Variants in EPG5 observed in about 807,000 individuals in gnomAD.
EPG5 encodes ectopic P-granules 5 autophagy tethering factor.
Under a neutral mutation model 302.7 loss-of-function variants are expected in EPG5, and 159 were observed. The observed-to-expected ratio is 0.53, with a 90% confidence interval of 0.46 to 0.60. The LOEUF is 0.60. Among genes scored for constraint, EPG5 ranks in the 20% least tolerant of loss-of-function variants. The pLI is 0.00. For synonymous variants in EPG5, 1,158 were observed against 1,136.8 expected, an observed-to-expected ratio of 1.02 and a Z score of -0.37; for missense variants, 2,896 against 3,092.4, an observed-to-expected ratio of 0.94 and a Z score of 1.51.
In EPG5 at chr18:45,866,909, G is replaced by T; in HGVS notation, c.6510C>A (p.Ser2170Arg). Reference sequence around the variant, plus strand: ...CCAGGATGATGGACGGCGGGTAATGGCTGCTGAAATAACTTAGCACACTCT... The same window carrying T: ...CCAGGATGATGGACGGCGGGTAATGTCTGCTGAAATAACTTAGCACACTCT... ...SYQSVLSYFSSHYPPSIILAK... is the reference protein window; with the variant it reads ...SYQSVLSYFSRHYPPSIILAK... Residue 2170 changes from serine to arginine, a missense_variant, in exon 38 of 44, where the codon AGC (serine) becomes AGA (arginine). Physicochemically the swap from Ser to Arg is moderately radical, Grantham distance 110 (BLOSUM62 -1). This residue lies in a region of EPG5 where 620 missense variants were observed against 704.2 expected (regional missense o/e 0.88). Transcript: ENST00000282041. The T allele has an allele frequency of 6.2e-7, 1 of 1,613,978 alleles. No homozygotes were observed. Among genetic ancestry groups the T allele is most frequent in the Non-Finnish European group, 8.5e-7 (1 of 1,179,856 alleles).
At chr18:45,876,377 A>G (rs1468256688) in intron 34 of EPG5, 35 bp from the exon 35 acceptor site, 1 of 1,547,948 alleles carries the variant, frequency 6.5e-7, no homozygotes, top group Non-Finnish European at 8.9e-7. Context: ...TAGGAATGCA[A>G]CCGTGATTAA....
chr18:45,823,540 G>C, the EPG5 span, among the ~76,000 whole-genome samples: 7 of 152,144 alleles, frequency 4.6e-5, no homozygotes, highest in African/African-American at 1.4e-4. Flanking sequence ...TGCAAGAATG[G>C]AGTCATACTC....
intron 33 of EPG5, among the ~76,000 whole-genome samples, chr18:45,878,669 A>T (rs2049023264): frequency 6.6e-6 from 1 of 152,236 alleles, no homozygotes; most frequent in Non-Finnish European, 1.5e-5. Flanking sequence ...AATATCATGG[A>T]TAATTTTATA....
the EPG5 span, chr18:45,840,198 G>C: frequency 1.9e-6 from 3 of 1,612,966 alleles, no homozygotes; most frequent in Non-Finnish European, 2.5e-6. Flanking sequence ...CTCTCTTGCT[G>C]TCCCTCCCAC....
intron 27 of EPG5, among the ~76,000 whole-genome samples, chr18:45,895,109 CA>C (rs972753611): frequency 3.3e-5 from 5 of 152,112 alleles, no homozygotes; most frequent in Non-Finnish European, 5.9e-5. Flanking sequence ...GAGGCAGAAC[CA>C]ATATGGAAGC....
downstream of EPG5, among the ~76,000 whole-genome samples, chr18:45,846,547 A>T (rs1599404304): frequency 8.6e-5 from 11 of 127,440 alleles, no homozygotes; most frequent in South Asian, 2.7e-3. Context: ...AAAAAAAAAA[A>T]GATCTCGGGG....
intron 21 of EPG5, 59 bp from the exon 22 acceptor site, chr18:45,912,515 CTCTT>C: frequency 6.7e-7 from 1 of 1,495,008 alleles, no homozygotes; most frequent in South Asian, 1.3e-5. Context: ...AAACGGTTAA[CTCTT>C]TCTAAGTGAT....
chr18:45,909,725 G>A (rs1011809803), intron 23 of EPG5, among the ~76,000 whole-genome samples: 3 of 152,134 alleles, frequency 2.0e-5, no homozygotes, highest in Non-Finnish European at 4.4e-5. Flanking sequence ...CTCATCTCAG[G>A]TGGATCCCTG....
At chr18:45,806,578 A>G in the EPG5 span, among the ~76,000 whole-genome samples, 1 of 150,732 alleles carries the variant, frequency 6.6e-6, no homozygotes, top group Admixed American at 6.7e-5. Context: ...CCACCCCCAC[A>G]CCCCAACTGG....
At chr18:45,946,380 C>A (rs1023760575) in intron 7 of EPG5, among the ~76,000 whole-genome samples, 2 of 152,148 alleles carry the variant, frequency 1.3e-5, no homozygotes, top group South Asian at 2.1e-4. Context: ...ATTCTCCCAG[C>A]TGAACAGAAT....
At chr18:45,819,165 ATG>A in the EPG5 span, among the ~76,000 whole-genome samples, 5 of 152,094 alleles carry the variant, frequency 3.3e-5, no homozygotes, top group Non-Finnish European at 7.4e-5. Context: ...AATATCACCT[ATG>A]TTTTCTTCTT....
rs531360515 is a variant in EPG5, at chr18:45,851,976, G to T, written c.*491C>A. Reference sequence around the variant, plus strand: ...AGAAAAACAATACTTTAAAACTATTGTATTTGTCCACATTTGAGAAATGCA... The same window carrying T: ...AGAAAAACAATACTTTAAAACTATTTTATTTGTCCACATTTGAGAAATGCA... On this transcript the variant is annotated 3_prime_UTR_variant, in exon 44 of 44. Coordinates refer to ENST00000282041, the MANE Select transcript of EPG5 (RefSeq NM_020964.3). 6 of 152,486 alleles carry T rather than the reference G, an allele frequency of 3.9e-5. No homozygotes were observed. The highest frequency in any genetic ancestry group is 1.4e-4 in the African/African-American group (6 of 41,410). 9.4% of individuals were successfully genotyped at this position (152,486 alleles called of 1,614,324 possible).
intron 32 of EPG5, 132 bp downstream of exon 32, chr18:45,879,943 C>A: frequency 9.8e-7 from 1 of 1,018,206 alleles, no homozygotes; most frequent in East Asian, 2.6e-5. Flanking sequence ...ACGAGGGAAC[C>A]AAAGCACTTA....
chr18:45,833,036 G>C, the EPG5 span, among the ~76,000 whole-genome samples: 1 of 152,016 alleles, frequency 6.6e-6, no homozygotes, highest in Non-Finnish European at 1.5e-5. Context: ...TTCCCATTCT[G>C]CTCCTAGAGC....
In EPG5 at chr18:45,878,453, A is replaced by G. The variant is rs751684696; in HGVS notation, c.5870-5T>C. On this transcript the variant is annotated splice_polypyrimidine_tract_variant and splice_region_variant and intron_variant, in intron 33 of 43. Coordinates refer to ENST00000282041, the MANE Select transcript of EPG5 (RefSeq NM_020964.3). ...CTGAATGTAGGGATTTCAGCACTAAAAAGTTTTAGAGACAAAACAAAGGTC... is the reference window on the plus strand; with the variant it reads ...CTGAATGTAGGGATTTCAGCACTAAGAAGTTTTAGAGACAAAACAAAGGTC... The G allele has an allele frequency of 6.2e-7, 1 of 1,602,736 alleles. No individual in the cohort carries two copies. The highest frequency in any genetic ancestry group is 8.5e-7 in the Non-Finnish European group (1 of 1,171,248).
rs1422713586 is a variant in EPG5 at position 45,852,284 on chromosome 18, C to T, written c.*183G>A. The T allele has an allele frequency of 6.7e-6, 3 of 445,016 alleles. No individual in the cohort carries two copies. Among genetic ancestry groups the T allele is most frequent in the South Asian group, 3.6e-5 (1 of 27,964 alleles). The allele number at this position is 445,016 out of a possible 1,614,324, so 27.6% of individuals were successfully genotyped here. A position where few individuals can be genotyped will look rare whatever the true frequency, so the allele number is the denominator to read the frequency against. On this transcript the variant is annotated 3_prime_UTR_variant, in exon 44 of 44. Transcript: ENST00000282041. ...GAAGGTCTTAAGAGCTAAGAAAACA[C>T]ACACACACACACACACACACCCCAA...
At chr18:45,963,222 G>C (rs1473992389) in intron 1 of EPG5, among the ~76,000 whole-genome samples, 5 of 152,168 alleles carry the variant, frequency 3.3e-5, no homozygotes, top group Admixed American at 3.3e-4. Context: ...GAGAGGCAGT[G>C]ACACCAGGAA....
Position 45,913,838 on chromosome 18 carries a change from C to T in EPG5, c.3694-10G>A. 1 of 1,613,004 alleles carries T rather than the reference C, an allele frequency of 6.2e-7. No homozygotes were observed. Among genetic ancestry groups the T allele is most frequent in the Non-Finnish European group, 8.5e-7 (1 of 1,179,638 alleles). ...TCCAGGCAAACCAGACCTATAATGA[C>T]ACCAGATAAAGGGGAGGGGAAGGAG... On this transcript the variant is annotated splice_polypyrimidine_tract_variant and intron_variant, in intron 20 of 43. Coordinates refer to ENST00000282041, the MANE Select transcript of EPG5 (RefSeq NM_020964.3).
chr18:45,964,458 T>C (rs2051207185), intron 1 of EPG5, among the ~76,000 whole-genome samples: 1 of 152,210 alleles, frequency 6.6e-6, no homozygotes, highest in African/African-American at 2.4e-5. Context: ...TCTGCTCTCA[T>C]AGACAACTAA....
Sources: gnomAD v4.1 joint callset for allele counts (sites outside exome capture counted in the v4.1 genomes callset) on GRCh38, gnomAD v4.1.1 for gene constraint, gnomAD v4.1.1 regional missense constraint, MANE v1.5 for transcripts, NCBI Gene and HGNC (gene_info 2026-07-23, HGNC 2026-07-21) for gene names.